The following TTLL1 variants were observed in gnomAD, a reference collection of about 807,000 sequenced individuals.
TTLL1 encodes the protein TTL family tubulin polyglutamylase complex subunit L1, also known as polyglutamylase complex subunit TTLL1.
A neutral mutation model predicts 47.8 loss-of-function variants in TTLL1; 33 were observed. The ratio of observed to expected loss-of-function variants is 0.69; its 90% CI spans 0.52 to 0.92. The LOEUF is 0.92. Among genes scored for constraint, TTLL1 ranks in the 40% least tolerant of loss-of-function variants. TTLL1 has a pLI of 0.00. For missense variants in TTLL1, 488 were observed against 547.5 expected (o/e 0.89, Z 1.08); for synonymous variants, 225 against 214.1 (o/e 1.05, Z -0.45).
intron 7 of TTLL1, among the ~76,000 whole-genome samples, chr22:43,060,272 T>C (rs1283899225): frequency 1.3e-5 from 2 of 152,080 alleles, no homozygotes; most frequent in Non-Finnish European, 2.9e-5. Flanking sequence ...TCACTGAGAG[T>C]GCCCTTGGCT....
At chr22:43,059,063 C>T (rs941568861) in intron 8 of TTLL1, among the ~76,000 whole-genome samples, 7 of 152,102 alleles carry the variant, frequency 4.6e-5, no homozygotes, top group African/African-American at 1.7e-4. Flanking sequence ...GACCTCCGCT[C>T]ACTGCAACCT....
chr22:43,084,153 A>AT (rs960620267), intron 1 of TTLL1, among the ~76,000 whole-genome samples: 5 of 148,282 alleles, frequency 3.4e-5, no homozygotes, highest in Non-Finnish European at 6.1e-5. Flanking sequence ...CTCTAAACAT[A>AT]TTTTTTTTCT....
At chr22:43,088,995 G>A (rs1329091614) in intron 1 of TTLL1, among the ~76,000 whole-genome samples, 1 of 152,184 alleles carries the variant, frequency 6.6e-6, no homozygotes, top group Non-Finnish European at 1.5e-5. Flanking sequence ...GAAACGTGTA[G>A]GAACAATGAA....
intron 9 of TTLL1, among the ~76,000 whole-genome samples, chr22:43,050,047 A>G (rs975808921): frequency 1.3e-5 from 2 of 151,978 alleles, no homozygotes; most frequent in Non-Finnish European, 2.9e-5. Context: ...CAGTGAGCCG[A>G]GATTGCGCCA....
chr22:43,083,341 C>G (rs188930452), intron 1 of TTLL1, among the ~76,000 whole-genome samples: 2 of 152,102 alleles, frequency 1.3e-5, no homozygotes, highest in African/African-American at 4.8e-5. Flanking sequence ...TGCAGTCCAG[C>G]CTGGGCGACA....
chr22:43,065,670 G>A (rs1180789183), intron 5 of TTLL1, among the ~76,000 whole-genome samples: 2 of 151,898 alleles, frequency 1.3e-5, no homozygotes, highest in Non-Finnish European at 2.9e-5. Flanking sequence ...GCAGTCTCCT[G>A]GGCTCAAGTG....
At chr22:43,042,710 GCTA>G (rs1201147624) in intron 10 of TTLL1, among the ~76,000 whole-genome samples, 2 of 152,176 alleles carry the variant, frequency 1.3e-5, no homozygotes, top group Admixed American at 6.6e-5. Flanking sequence ...AGCACCAACT[GCTA>G]CTGCTGCTGG....
chr22:43,042,099 C>T (rs1316938164), intron 10 of TTLL1, among the ~76,000 whole-genome samples: 1 of 152,202 alleles, frequency 6.6e-6, no homozygotes, highest in East Asian at 1.9e-4. Context: ...GTCGTCACTC[C>T]ACTGCCCCCG....
rs776301500 is a variant in TTLL1 at position 43,070,958 on chromosome 22, G to A, written c.114-1114C>T. 1.8e-4 allele frequency among the ~76,000 whole-genome samples: 27 copies of A among 152,126 alleles called. 1 individual carries two copies. The highest frequency in any genetic ancestry group is 2.1e-4 in the Non-Finnish European group (14 of 68,036). On this transcript the variant is annotated intron_variant, in intron 3 of 10. Coordinates refer to ENST00000266254, the MANE Select transcript of TTLL1 (RefSeq NM_012263.5). ...GACAGGGTCTCGCTCTGTTGCCCAGGCCGGGGTGTCATGACTTGATCTCGC... is the reference window on the plus strand; with the variant it reads ...GACAGGGTCTCGCTCTGTTGCCCAGACCGGGGTGTCATGACTTGATCTCGC...
At chr22:43,055,180 C>G (rs5759123) in intron 8 of TTLL1, among the ~76,000 whole-genome samples, 1 of 151,444 alleles carries the variant, frequency 6.6e-6, no homozygotes, top group African/African-American at 2.4e-5. Flanking sequence ...TGTGCCATCA[C>G]GCCTGGCTAA....
chr22:43,064,062 C>T, intron 6 of TTLL1, 128 bp downstream of exon 6: 1 of 1,507,620 alleles, frequency 6.6e-7, no homozygotes. Context: ...TCTTACTTCC[C>T]TCAATCCCTG....
chr22:43,046,415 C>G lies in TTLL1; in HGVS notation c.1137G>C (p.Glu379Asp). The G allele has an allele frequency of 1.2e-6, 2 of 1,614,020 alleles. No individual in the cohort carries two copies. The highest frequency in any genetic ancestry group is 2.7e-5 in the African/African-American group (2 of 75,006). ...ACAGTCACACACACACTTACAGAAT[C>G]TCGTAATTGCCGAGGACTTCCTTAG... ...SPPKEVLGNY[E>D]ILYDEELAQG... Residue 379 changes from glutamate to aspartate, a missense_variant, in exon 10 of 11, where the codon GAG becomes GAC. Physicochemically the swap from Glu to Asp is conservative, Grantham distance 45. Coordinates refer to ENST00000266254, the MANE Select transcript of TTLL1 (RefSeq NM_012263.5).
At chr22:43,086,998 T>C (rs1929266614) in intron 1 of TTLL1, among the ~76,000 whole-genome samples, 1 of 152,176 alleles carries the variant, frequency 6.6e-6, no homozygotes, top group Non-Finnish European at 1.5e-5. Context: ...GCCTTGTCTC[T>C]CACCAACCCT....
chr22:43,069,114 C>A (rs1159834160), intron 4 of TTLL1, among the ~76,000 whole-genome samples: 1 of 150,604 alleles, frequency 6.6e-6, no homozygotes, highest in African/African-American at 2.4e-5. Context: ...TGGTGGCTCA[C>A]GTCTATAATC....
At position 43,039,624 on chromosome 22, in the gene TTLL1, G is replaced by A. The variant is rs527488117; in HGVS notation, c.*152C>T. ...GCATGAATTGTTTCCTTTAGCACTA[G>A]TCAAACAGACTCCATAACCTTCCAA... is the stretch of plus-strand genomic sequence containing the variant. On this transcript the variant is annotated 3_prime_UTR_variant, in exon 11 of 11. Transcript: ENST00000266254. 2.0e-4 allele frequency: 187 copies of A among 957,788 alleles called. 1 individual carries two copies. In the African/African-American group the frequency reaches 2.7e-3, roughly 14 times the overall value. 59.3% of individuals were successfully genotyped at this position (957,788 alleles called of 1,614,324 possible). A position where few individuals can be genotyped will look rare whatever the true frequency, so the allele number is the denominator to read the frequency against.
chr22:43,083,196 C>T (rs1929011031), intron 1 of TTLL1, among the ~76,000 whole-genome samples: 2 of 151,510 alleles, frequency 1.3e-5, no homozygotes, highest in South Asian at 4.2e-4. Flanking sequence ...GAAAACTCTT[C>T]TCTACTAAAA....
chr22:43,048,991 T>C (rs747289227), intron 9 of TTLL1, among the ~76,000 whole-genome samples: 9 of 150,940 alleles, frequency 6.0e-5, no homozygotes, highest in Non-Finnish European at 1.0e-4. Context: ...AAGAGGGGAG[T>C]GAAGAAGAAG....
chr22:43,046,451 G>C lies in TTLL1; in HGVS notation c.1101C>G (p.Asn367Lys). ...PNGEIPDCKWNKSPPKEVLGN... is the reference protein window; with the variant it reads ...PNGEIPDCKWKKSPPKEVLGN... ...CGAGGACTTCCTTAGGTGGCGACTT[G>C]TTCCATTTGCAGTCTGGGATTTCAC... Residue 367 changes from asparagine to lysine, a missense_variant, in exon 10 of 11, where the codon AAC becomes AAG. By Grantham distance (94) the Asn-to-Lys change is moderately conservative. Transcript: ENST00000266254. 6.2e-7 allele frequency: 1 copy of C among 1,614,088 alleles called. No homozygotes were observed. Among genetic ancestry groups the C allele is most frequent in the Non-Finnish European group, 8.5e-7 (1 of 1,180,016 alleles).
At chr22:43,070,211 A>G (rs2076156) in intron 3 of TTLL1, 119,057 of 1,326,002 alleles carry the variant, frequency 0.09, 7,783 homozygotes, top group East Asian at 0.42. Context: ...TTTAAACAGG[A>G]TCTGTACCGA....
Sources: allele counts gnomAD v4.1 joint callset (sites outside exome capture counted in the v4.1 genomes callset), GRCh38; gene constraint gnomAD v4.1.1; transcripts MANE v1.5; gene names NCBI Gene and HGNC (gene_info 2026-07-23, HGNC 2026-07-21).